Variants in WASL observed in about 807,000 individuals in gnomAD.
WASL encodes the protein WASP like actin nucleation promoting factor.
A neutral mutation model predicts 55.5 loss-of-function variants in WASL; 20 were observed. The ratio of observed to expected loss-of-function variants is 0.36; its 90% confidence interval spans 0.25 to 0.52. The LOEUF is 0.52. Among genes scored for constraint, WASL ranks in the 20% least tolerant of loss-of-function variants. The pLI is 0.92. For synonymous variants in WASL, 249 were observed against 217.6 expected (o/e 1.14, Z -1.27); for missense variants, 504 against 622.5 (o/e 0.81, Z 2.03).
chr7:123,706,260 A>C lies in WASL; in HGVS notation c.436+17T>G. On this transcript the variant is annotated intron_variant, in intron 4 of 10. Transcript: ENST00000223023. ...ATTAGTTTGCTGGCCTGATTTAAGT[A>C]ATTAAAAAAGGGTTACCAGATTTCC... is the stretch of plus-strand genomic sequence containing the variant. 1.2e-6 allele frequency: 2 copies of C among 1,610,542 alleles called. No individual in the cohort carries two copies. Among genetic ancestry groups the C allele is most frequent in the Non-Finnish European group, 1.7e-6 (2 of 1,177,780 alleles).
intron 1 of WASL, among the ~76,000 whole-genome samples, chr7:123,735,450 G>A (rs1398864641): frequency 1.3e-5 from 2 of 150,948 alleles, no homozygotes; most frequent in East Asian, 1.9e-4. Flanking sequence ...TCAGATGATA[G>A]GAGACAGGAC....
rs909819507 is a variant in WASL at position 123,748,966 on chromosome 7, G to C, written c.-232C>G. The C allele has an allele frequency of 5.5e-6, 3 of 549,806 alleles. No homozygotes were observed. Among genetic ancestry groups the C allele is most frequent in the East Asian group, 3.3e-5 (1 of 30,406 alleles). 34.1% of individuals were successfully genotyped at this position (549,806 alleles called of 1,614,324 possible). ...TCCCGGCACCCGCCCGGCCAGGCTA[G>C]GGCCGGATGGTCGTTGTCCTCGCAC... On this transcript the variant is annotated 5_prime_UTR_variant, in exon 1 of 11. Transcript: ENST00000223023.
chr7:123,748,294 G>A (rs985378128), intron 1 of WASL, among the ~76,000 whole-genome samples: 1 of 152,148 alleles, frequency 6.6e-6, no homozygotes, highest in African/African-American at 2.4e-5. Context: ...AGCGGCTCTT[G>A]CAAGAAAATC....
At chr7:123,711,665 C>G (rs1175410246) in intron 1 of WASL, among the ~76,000 whole-genome samples, 1 of 151,942 alleles carries the variant, frequency 6.6e-6, no homozygotes, top group African/African-American at 2.4e-5. Context: ...GTCACTAATC[C>G]CCACACTCTA....
At chr7:123,733,909 G>T (rs1413271177) in intron 1 of WASL, among the ~76,000 whole-genome samples, 2 of 86,820 alleles carry the variant, frequency 2.3e-5, no homozygotes, top group Non-Finnish European at 2.2e-5. Flanking sequence ...AGACATCCAC[G>T]TGCCAAAAAA....
Position 123,748,598 on chromosome 7 carries a change from C to A in WASL, c.117+20G>T. 1 of 1,611,534 alleles carries A rather than the reference C, an allele frequency of 6.2e-7. No individual in the cohort carries two copies. The highest frequency in any genetic ancestry group is 8.5e-7 in the Non-Finnish European group (1 of 1,178,336). ...CGTGAGGTAATGTCACGGGTGGCGA[C>A]GCGGGTCTCGTCCACTGACCACACA... On this transcript the variant is annotated intron_variant, in intron 1 of 10. Coordinates refer to ENST00000223023, the MANE Select transcript of WASL (RefSeq NM_003941.4).
chr7:123,688,997 A>C, intron 10 of WASL, 45 bp downstream of exon 10: 1 of 1,432,592 alleles, frequency 7.0e-7, no homozygotes, highest in Non-Finnish European at 9.6e-7. Flanking sequence ...ACACACGCAC[A>C]CTCTCTCTGT....
intron 5 of WASL, among the ~76,000 whole-genome samples, chr7:123,698,544 C>A (rs979589773): frequency 6.6e-6 from 1 of 151,864 alleles, no homozygotes; most frequent in Non-Finnish European, 1.5e-5. Flanking sequence ...TATTCAAATC[C>A]TATTTATATA....
chr7:123,726,573 A>C (rs527601802), intron 1 of WASL, among the ~76,000 whole-genome samples: 1 of 152,330 alleles, frequency 6.6e-6, no homozygotes, highest in South Asian at 2.1e-4. Context: ...AAACATCATT[A>C]AAAATTAATT....
intron 1 of WASL, among the ~76,000 whole-genome samples, chr7:123,727,384 A>ACACACACACACACACAC (rs1584870324): frequency 1.2e-5 from 1 of 83,334 alleles, no homozygotes; most frequent in East Asian, 3.6e-4. Context: ...CACACACACA[A>ACACACACACACACACAC]ACTTATACAA....
chr7:123,691,184 T>C (rs1022278225), intron 9 of WASL, among the ~76,000 whole-genome samples: 1 of 152,240 alleles, frequency 6.6e-6, no homozygotes, highest in African/African-American at 2.4e-5. Flanking sequence ...CTTTAATTCC[T>C]ATACTGGGAA....
intron 10 of WASL, among the ~76,000 whole-genome samples, chr7:123,685,068 A>AG (rs2116760897): frequency 6.6e-6 from 1 of 152,002 alleles, no homozygotes; most frequent in East Asian, 1.9e-4. Flanking sequence ...TTCACGATCC[A>AG]ATTATCAAGC....
In WASL at chr7:123,683,690, T is replaced by G. The variant is rs1392844024; in HGVS notation, c.*829A>C. 6.6e-6 allele frequency: 1 copy of G among 152,034 alleles called. No homozygotes were observed. The highest frequency in any genetic ancestry group is 1.5e-5 in the Non-Finnish European group (1 of 67,936). The allele number at this position is 152,034 out of a possible 1,614,324, so 9.4% of individuals were successfully genotyped here. A position where few individuals can be genotyped will look rare whatever the true frequency, so the allele number is the denominator to read the frequency against. On this transcript the variant is annotated 3_prime_UTR_variant, in exon 11 of 11. Transcript: ENST00000223023. ...ATATTGGAGTTACCATAATATTACC[T>G]CAGTTCATGTAGAATGAAAACTACT... is the stretch of plus-strand genomic sequence containing the variant.
intron 10 of WASL, among the ~76,000 whole-genome samples, chr7:123,684,987 C>A (rs1803264205): frequency 6.6e-6 from 1 of 151,934 alleles, no homozygotes; most frequent in African/African-American, 2.4e-5. Context: ...TGCTCCATCT[C>A]AATAAATGGC....
chr7:123,709,334 G>C, intron 1 of WASL, 111 bp from the exon 2 acceptor site: 1 of 800,354 alleles, frequency 1.2e-6, no homozygotes, highest in Non-Finnish European at 1.8e-6. Context: ...CTAAATTCCT[G>C]ATTCACAGAA....
chr7:123,736,398 T>C (rs1436187590), intron 1 of WASL, among the ~76,000 whole-genome samples: 2 of 152,146 alleles, frequency 1.3e-5, no homozygotes, highest in East Asian at 1.9e-4. Context: ...AAATATAAGG[T>C]TTTTTTCCCT....
At chr7:123,697,650 T>C (rs1004691595) in intron 5 of WASL, among the ~76,000 whole-genome samples, 3 of 152,192 alleles carry the variant, frequency 2.0e-5, no homozygotes, top group Non-Finnish European at 2.9e-5. Context: ...TTCCAAAACA[T>C]ATGAAATACT....
chr7:123,684,668 C>A, intron 10 of WASL, 88 bp from the exon 11 acceptor site: 3 of 1,239,342 alleles, frequency 2.4e-6, no homozygotes, highest in South Asian at 2.2e-5. Flanking sequence ...TATTTAACTC[C>A]TGAAACACAG....
chr7:123,688,965 CA>C, intron 10 of WASL, 76 bp downstream of exon 10: 4 of 1,262,184 alleles, frequency 3.2e-6, no homozygotes, highest in Non-Finnish European at 4.5e-6. Context: ...AACAGAACGT[CA>C]AACATTCAAA....
Sources: gnomAD v4.1 joint callset for allele counts (sites outside exome capture counted in the v4.1 genomes callset) on GRCh38, gnomAD v4.1.1 for gene constraint, MANE v1.5 for transcripts, NCBI Gene and HGNC (gene_info 2026-07-23, HGNC 2026-07-21) for gene names.